ASCC3: variants seen among roughly 807,000 people sequenced by gnomAD.
ASCC3 encodes ASC-1 complex subunit P200.
In ASCC3, 158 loss-of-function variants were observed where a neutral mutation model predicts 256.3. The observed-to-expected ratio is 0.62, with a 90% confidence interval of 0.54 to 0.70. ASCC3 has a LOEUF of 0.70. Among genes scored for constraint, ASCC3 ranks in the 30% least tolerant of loss-of-function variants. The pLI is 0.00. For missense variants in ASCC3, 2,259 were observed against 2,626.0 expected (o/e 0.86, Z 3.05); for synonymous variants, 948 against 883.4 (o/e 1.07, Z -1.30).
chr6:100,795,467 G>C (rs1367374461), intron 8 of ASCC3, among the ~76,000 whole-genome samples: 4 of 152,010 alleles, frequency 2.6e-5, no homozygotes, highest in African/African-American at 9.7e-5. Flanking sequence ...TGCCAAGCTG[G>C]GCACATAGGC....
rs369974362 is a variant in ASCC3 at position 100,597,809 on chromosome 6, G to GAAAAAAAAAAA, written c.5303+3990_5303+4000dup. On this transcript the variant is annotated intron_variant, in intron 34 of 41. Transcript: ENST00000369162. ...TACACAGTGAAACCCCGTCTCTACT[G>GAAAAAAAAAAA]AAAAAAAAAAAAAAATTAGCCGAGC... Among the ~76,000 whole-genome samples, 139 of 88,566 alleles carry GAAAAAAAAAAA rather than the reference G, an allele frequency of 1.6e-3. 8 individuals carry two copies. In the East Asian group the frequency reaches 0.02, roughly 13 times the overall value. The allele number at this position is 88,566 out of a possible 152,430, so 58.1% of individuals were successfully genotyped here. A position where few individuals can be genotyped will look rare whatever the true frequency, so the allele number is the denominator to read the frequency against.
At chr6:100,805,712 C>A in intron 5 of ASCC3, 48 bp downstream of exon 5, 1 of 1,591,804 alleles carries the variant, frequency 6.3e-7, no homozygotes, top group Non-Finnish European at 8.6e-7. Context: ...ATTTGCTAAC[C>A]AATGAATATT....
chr6:100,833,814 A>C (rs1771742938), intron 4 of ASCC3, among the ~76,000 whole-genome samples: 2 of 152,188 alleles, frequency 1.3e-5, no homozygotes, highest in South Asian at 4.1e-4. Context: ...CTGGCGGCTC[A>C]TGCCTGTCAT....
At chr6:100,511,208 G>T (rs1028590417) in intron 40 of ASCC3, among the ~76,000 whole-genome samples, 2 of 152,206 alleles carry the variant, frequency 1.3e-5, no homozygotes. Flanking sequence ...GGGAGGCCAA[G>T]GCAGGTGGAT....
intron 4 of ASCC3, among the ~76,000 whole-genome samples, chr6:100,838,073 A>G (rs1211867281): frequency 6.6e-6 from 1 of 152,108 alleles, no homozygotes; most frequent in South Asian, 2.1e-4. Context: ...TGACCAAAAA[A>G]GTTTTTAAAA....
At chr6:100,517,884 T>G in intron 38 of ASCC3, 107 bp downstream of exon 38, 1 of 1,240,038 alleles carries the variant, frequency 8.1e-7, no homozygotes, top group Non-Finnish European at 1.1e-6. Context: ...ATTTTCCATG[T>G]CAATAATCAG....
At position 100,623,217 on chromosome 6, in the gene ASCC3, A is replaced by G. The variant is rs140271472; in HGVS notation, c.4785+1975T>C. ...ATAATACAGGATAAAAAAATCTTTTATCAACATTACTTTGAACATAAATTA... is the reference window on the plus strand; with the variant it reads ...ATAATACAGGATAAAAAAATCTTTTGTCAACATTACTTTGAACATAAATTA... On this transcript the variant is annotated intron_variant, in intron 30 of 41. Coordinates refer to ENST00000369162, the MANE Select transcript of ASCC3 (RefSeq NM_006828.4). Among the ~76,000 whole-genome samples the G allele has an allele frequency of 2.6e-5, 4 of 152,298 alleles. 1 individual carries two copies. Among genetic ancestry groups the G allele is most frequent in the African/African-American group, 9.6e-5 (4 of 41,562 alleles).
intron 10 of ASCC3, among the ~76,000 whole-genome samples, chr6:100,763,573 C>T (rs911215289): frequency 2.6e-5 from 4 of 152,118 alleles, no homozygotes; most frequent in African/African-American, 9.7e-5. Context: ...GCGGCTAATT[C>T]TCTTACCCTG....
Position 100,798,831 on chromosome 6 carries a change from A to G in ASCC3, c.1277T>C (p.Leu426Ser). The G allele has an allele frequency of 6.2e-7, 1 of 1,611,508 alleles. No individual in the cohort carries two copies. The highest frequency in any genetic ancestry group is 1.1e-5 in the South Asian group (1 of 91,030). Residue 426 changes from leucine to serine, a missense_variant, in exon 8 of 42, where the codon TTG (leucine) becomes TCG (serine). By Grantham distance (145) the Leu-to-Ser change is moderately radical. Transcript: ENST00000369162. Reference protein sequence around the residue: ...SAFIAGAKMILPEGIQRENNK... With the variant: ...SAFIAGAKMISPEGIQRENNK... ...ATTCTCTCTTTGGATTCCTTCTGGCAAAATCATCTATAAACATCAACAATA... is the reference window on the plus strand; with the variant it reads ...ATTCTCTCTTTGGATTCCTTCTGGCGAAATCATCTATAAACATCAACAATA...
chr6:100,701,975 A>C (rs2115000356), intron 13 of ASCC3, among the ~76,000 whole-genome samples: 1 of 152,272 alleles, frequency 6.6e-6, no homozygotes, highest in South Asian at 2.1e-4. Flanking sequence ...AGAAATATGT[A>C]AAGAAGAAGC....
At chr6:100,522,456 T>A (rs975172269) in intron 37 of ASCC3, among the ~76,000 whole-genome samples, 7 of 152,086 alleles carry the variant, frequency 4.6e-5, no homozygotes, top group Non-Finnish European at 7.4e-5. Context: ...ACATTTTAAG[T>A]GAGGTGCTAC....
Position 100,606,956 on chromosome 6 carries a change from C to G in ASCC3, c.4918G>C (p.Val1640Leu). Reference protein sequence around the residue: ...TVEELFVNCKVQVLIATSTLA... With the variant: ...TVEELFVNCKLQVLIATSTLA... ...CACTGGAGAAAAAAAAGTACCTGAACTTTACAGTTTACAAATAGTTCCTCT... is the reference window on the plus strand; with the variant it reads ...CACTGGAGAAAAAAAAGTACCTGAAGTTTACAGTTTACAAATAGTTCCTCT... Residue 1640 changes from valine to leucine, a missense_variant, in exon 31 of 42, where the codon GTT (valine) becomes CTT (leucine). Physicochemically the swap from Val to Leu is conservative, Grantham distance 32 (BLOSUM62 1). Transcript: ENST00000369162. 1 of 1,613,368 alleles carries G rather than the reference C, an allele frequency of 6.2e-7. No individual in the cohort carries two copies. The highest frequency in any genetic ancestry group is 2.2e-5 in the East Asian group (1 of 44,784).
At chr6:100,633,464 G>C (rs1774660332) in intron 25 of ASCC3, among the ~76,000 whole-genome samples, 1 of 151,992 alleles carries the variant, frequency 6.6e-6, no homozygotes, top group Non-Finnish European at 1.5e-5. Context: ...GTGAAAAGAT[G>C]AAAGTTCTTG....
intron 3 of ASCC3, among the ~76,000 whole-genome samples, chr6:100,855,308 G>A (rs1158559968): frequency 6.6e-6 from 1 of 151,900 alleles, no homozygotes; most frequent in Non-Finnish European, 1.5e-5. Flanking sequence ...GTAGAGATGG[G>A]GTTTCACCAT....
At chr6:100,578,181 G>T (rs1161825275) in intron 36 of ASCC3, among the ~76,000 whole-genome samples, 1 of 151,988 alleles carries the variant, frequency 6.6e-6, no homozygotes, top group Non-Finnish European at 1.5e-5. Flanking sequence ...TAAAAGGCGA[G>T]AATTCAGAGG....
intron 8 of ASCC3, among the ~76,000 whole-genome samples, chr6:100,784,027 T>C (rs1782576080): frequency 6.6e-6 from 1 of 152,110 alleles, no homozygotes; most frequent in South Asian, 2.1e-4. Flanking sequence ...AGAGCAAAGA[T>C]TGAAACTCAG....
At chr6:100,751,727 A>G (rs963036605) in intron 10 of ASCC3, among the ~76,000 whole-genome samples, 1 of 152,092 alleles carries the variant, frequency 6.6e-6, no homozygotes, top group Non-Finnish European at 1.5e-5. Context: ...GTTTCAGCTT[A>G]CCTGCTCATT....
chr6:100,603,029 C>G (rs905647053), intron 33 of ASCC3, among the ~76,000 whole-genome samples: 4 of 152,008 alleles, frequency 2.6e-5, no homozygotes, highest in Non-Finnish European at 5.9e-5. Context: ...TGAACAATCA[C>G]TATGAACCAG....
intron 36 of ASCC3, 140 bp downstream of exon 36, chr6:100,589,494 G>A (rs1771876690): frequency 1.1e-6 from 1 of 917,464 alleles, no homozygotes. Flanking sequence ...TCTTAGTCTA[G>A]ATGTGTTGCT....
Sources: gnomAD v4.1 joint callset for allele counts (sites outside exome capture counted in the v4.1 genomes callset) on GRCh38, gnomAD v4.1.1 for gene constraint, MANE v1.5 for transcripts, NCBI Gene and HGNC (gene_info 2026-07-23, HGNC 2026-07-21) for gene names.